HS3ST4: variants seen among roughly 807,000 people sequenced by gnomAD.
The protein encoded by HS3ST4 is heparan sulfate-glucosamine 3-sulfotransferase 4.
HS3ST4 carries 17 observed loss-of-function variants against 29.2 expected under a neutral mutation model. That is an observed-to-expected ratio of 0.58 (90% confidence interval 0.40 to 0.87). HS3ST4 has a LOEUF of 0.87. HS3ST4 is among the 40% of genes least tolerant of loss of function. The pLI, the probability that HS3ST4 is intolerant of heterozygous loss-of-function variation, is 0.00. For missense variants in HS3ST4, 627 were observed against 634.5 expected (o/e 0.99, Z 0.13); for synonymous variants, 314 against 285.7 (o/e 1.10, Z -1.00).
At chr16:25,859,703 C>T (rs1967618396) in intron 1 of HS3ST4, among the ~76,000 whole-genome samples, 1 of 152,122 alleles carries the variant, frequency 6.6e-6, no homozygotes, top group Non-Finnish European at 1.5e-5. Context: ...GGGTCAAAGA[C>T]CTTAAAAGAC....
At position 26,020,574 on chromosome 16, in the gene HS3ST4, A is replaced by G. The variant is rs1315689886; in HGVS notation, c.735-115038A>G. On this transcript the variant is annotated intron_variant, in intron 1 of 1. Coordinates refer to ENST00000331351, the MANE Select transcript of HS3ST4 (RefSeq NM_006040.3). ...CACAAACACAGTTTGTTGAAACTGC[A>G]TGTTGAAAGCACCCCTAGGTGATGC... is the stretch of plus-strand genomic sequence containing the variant. Among the ~76,000 whole-genome samples the G allele has an allele frequency of 7.2e-5, 11 of 152,228 alleles. No homozygotes were observed. The South Asian group carries it at 2.3e-3, about 32-fold the overall frequency.
intron 1 of HS3ST4, among the ~76,000 whole-genome samples, chr16:25,720,271 T>G (rs1039403006): frequency 7.9e-5 from 12 of 152,108 alleles, no homozygotes; most frequent in African/African-American, 2.9e-4. Context: ...TCAATGAGAC[T>G]GGGACACAGT....
chr16:25,830,455 G>T (rs912981527), intron 1 of HS3ST4, among the ~76,000 whole-genome samples: 11 of 152,108 alleles, frequency 7.2e-5, no homozygotes, highest in Non-Finnish European at 1.5e-4. Flanking sequence ...GCAGGGGGAG[G>T]CATCACCTGT....
intron 1 of HS3ST4, among the ~76,000 whole-genome samples, chr16:25,983,867 G>A (rs8050673): frequency 0.031 from 4,703 of 151,882 alleles, 255 homozygotes; most frequent in African/African-American, 0.11. Context: ...TGTGGGGGTT[G>A]CATGGCAGCT....
chr16:25,812,581 A>T (rs1340829491), intron 1 of HS3ST4, among the ~76,000 whole-genome samples: 1 of 152,216 alleles, frequency 6.6e-6, no homozygotes, highest in Non-Finnish European at 1.5e-5. Flanking sequence ...AAAATATATT[A>T]GTAAGAACAA....
At chr16:26,098,993 T>A (rs1290020177) in intron 1 of HS3ST4, among the ~76,000 whole-genome samples, 1 of 152,122 alleles carries the variant, frequency 6.6e-6, no homozygotes, top group Non-Finnish European at 1.5e-5. Flanking sequence ...GGGAGGAATA[T>A]GCCAAAATCA....
intron 1 of HS3ST4, among the ~76,000 whole-genome samples, chr16:26,037,135 C>T (rs150589784): frequency 3.3e-5 from 5 of 152,284 alleles, no homozygotes; most frequent in Non-Finnish European, 5.9e-5. Flanking sequence ...GAAAGAACAG[C>T]GCCATTCTTA....
rs541151475 is a variant in HS3ST4, at chr16:25,904,284, A to G, written c.734+211133A>G. ...GATGGATGAGTGAATGATGTTTGGCATTTCTAACCTCTCATGTCTTAGTGA... is the reference window on the plus strand; with the variant it reads ...GATGGATGAGTGAATGATGTTTGGCGTTTCTAACCTCTCATGTCTTAGTGA... On this transcript the variant is annotated intron_variant, in intron 1 of 1. Transcript: ENST00000331351. 5.3e-5 allele frequency among the ~76,000 whole-genome samples: 8 copies of G among 152,298 alleles called. 1 individual carries two copies. In the South Asian group the frequency reaches 1.7e-3, roughly 32 times the overall value.
intron 1 of HS3ST4, among the ~76,000 whole-genome samples, chr16:26,119,172 A>T (rs1475861614): frequency 1.3e-5 from 2 of 152,210 alleles, no homozygotes; most frequent in East Asian, 3.9e-4. Context: ...CACACTAAAC[A>T]TCCAGGCTCT....
chr16:25,749,706 A>C (rs1037827343), intron 1 of HS3ST4, among the ~76,000 whole-genome samples: 5 of 152,148 alleles, frequency 3.3e-5, no homozygotes, highest in Non-Finnish European at 7.3e-5. Flanking sequence ...TCATGAGATT[A>C]AGTGATTTGA....
At chr16:26,127,326 G>C (rs1388846707) in intron 1 of HS3ST4, among the ~76,000 whole-genome samples, 2 of 152,124 alleles carry the variant, frequency 1.3e-5, no homozygotes, top group Non-Finnish European at 2.9e-5. Flanking sequence ...GAACTTTCCT[G>C]TCTGAGTCAG....
chr16:25,771,985 G>C (rs955151731), intron 1 of HS3ST4, among the ~76,000 whole-genome samples: 1 of 152,096 alleles, frequency 6.6e-6, no homozygotes, highest in Non-Finnish European at 1.5e-5. Context: ...CTAGTCTGGC[G>C]TTGGCAAACT....
intron 1 of HS3ST4, among the ~76,000 whole-genome samples, chr16:25,898,382 C>G (rs1350696472): frequency 1.3e-5 from 2 of 152,160 alleles, no homozygotes; most frequent in Admixed American, 1.3e-4. Flanking sequence ...GATCATTTTC[C>G]TCCCTTTCTG....
chr16:26,095,889 AAG>A (rs1898920278), intron 1 of HS3ST4, among the ~76,000 whole-genome samples: 1 of 152,188 alleles, frequency 6.6e-6, no homozygotes, highest in Non-Finnish European at 1.5e-5. Flanking sequence ...TGAAGAAGAA[AAG>A]AGAGAAGAAT....
At chr16:26,010,702 G>T (rs1969302700) in intron 1 of HS3ST4, among the ~76,000 whole-genome samples, 1 of 152,082 alleles carries the variant, frequency 6.6e-6, no homozygotes, top group African/African-American at 2.4e-5. Flanking sequence ...AGCACTTAGA[G>T]AATCATCAAG....
At chr16:25,791,195 A>G (rs1966868495) in intron 1 of HS3ST4, among the ~76,000 whole-genome samples, 1 of 151,978 alleles carries the variant, frequency 6.6e-6, no homozygotes, top group African/African-American at 2.4e-5. Context: ...AAATCAAGTT[A>G]TTATATGTTT....
intron 1 of HS3ST4, among the ~76,000 whole-genome samples, chr16:26,075,581 A>G (rs978106831): frequency 6.6e-6 from 1 of 152,206 alleles, no homozygotes; most frequent in Non-Finnish European, 1.5e-5. Flanking sequence ...GCAGTTTTCT[A>G]CAAATAGTGT....
intron 1 of HS3ST4, among the ~76,000 whole-genome samples, chr16:26,045,339 T>C (rs772166790): frequency 2.0e-5 from 3 of 152,226 alleles, no homozygotes; most frequent in Non-Finnish European, 4.4e-5. Flanking sequence ...ATTAATGTTC[T>C]GGGGTAAAGA....
intron 1 of HS3ST4, among the ~76,000 whole-genome samples, chr16:26,040,460 C>T (rs1035984649): frequency 1.6e-4 from 24 of 152,038 alleles, no homozygotes; most frequent in South Asian, 8.3e-4. Flanking sequence ...CATGCCAACA[C>T]GCCCAGCTAA....
Sources: allele counts gnomAD v4.1 joint callset (sites outside exome capture counted in the v4.1 genomes callset), GRCh38; gene constraint gnomAD v4.1.1; transcripts MANE v1.5; gene names NCBI Gene and HGNC (gene_info 2026-07-23, HGNC 2026-07-21).